Variants in SCAPER observed in about 807,000 individuals in gnomAD.
SCAPER encodes S-phase cyclin A associated protein in the ER, also known as S phase cyclin A-associated protein in the endoplasmic reticulum.
SCAPER carries 98 observed loss-of-function variants against 182.2 expected under a neutral mutation model. That is an observed-to-expected ratio of 0.54 (90% CI 0.46 to 0.64). The LOEUF (loss-of-function observed/expected upper bound fraction) is 0.64. SCAPER is among the 30% of genes least tolerant of loss of function. The pLI is 0.00. For synonymous variants in SCAPER, 605 were observed against 564.6 expected (o/e 1.07, Z -1.01); for missense variants, 1,432 against 1,690.0 (o/e 0.85, Z 2.68).
chr15:76,459,228 C>T (rs1372637540), intron 25 of SCAPER, among the ~76,000 whole-genome samples: 1 of 152,132 alleles, frequency 6.6e-6, no homozygotes, highest in Non-Finnish European at 1.5e-5. Context: ...TGGGTCAGAA[C>T]ATGTGGTATT....
intron 4 of SCAPER, among the ~76,000 whole-genome samples, chr15:76,846,333 A>T (rs1303154353): frequency 6.6e-6 from 1 of 152,120 alleles, no homozygotes; most frequent in Non-Finnish European, 1.5e-5. Context: ...ACAATGCAAA[A>T]ATGTACAAAT....
intron 5 of SCAPER, among the ~76,000 whole-genome samples, chr15:76,834,397 GA>G (rs1308861635): frequency 6.6e-6 from 1 of 152,114 alleles, no homozygotes; most frequent in Non-Finnish European, 1.5e-5. Context: ...CAAGAAGTTA[GA>G]AAGATCTAAA....
At chr15:76,447,920 G>A (rs144375262) in intron 25 of SCAPER, among the ~76,000 whole-genome samples, 18 of 152,312 alleles carry the variant, frequency 1.2e-4, no homozygotes, top group African/African-American at 4.3e-4. Context: ...AGTGCCTGGG[G>A]AAGGTAACCC....
intron 2 of SCAPER, among the ~76,000 whole-genome samples, chr15:76,874,774 T>C (rs1284450389): frequency 1.3e-5 from 2 of 151,952 alleles, no homozygotes; most frequent in East Asian, 3.9e-4. Flanking sequence ...CTGGACAACA[T>C]AGCAAGACCT....
At chr15:76,639,059 G>A (rs2053882378) in intron 21 of SCAPER, among the ~76,000 whole-genome samples, 4 of 152,056 alleles carry the variant, frequency 2.6e-5, no homozygotes, top group Non-Finnish European at 2.9e-5. Context: ...CAGAAAGGAA[G>A]AATAAATAGG....
intron 26 of SCAPER, among the ~76,000 whole-genome samples, chr15:76,408,059 T>C (rs946104646): frequency 6.6e-6 from 1 of 152,214 alleles, no homozygotes; most frequent in African/African-American, 2.4e-5. Context: ...TTCAAATTTC[T>C]AAATGTACCA....
intron 5 of SCAPER, among the ~76,000 whole-genome samples, chr15:76,824,746 T>C (rs984844940): frequency 1.1e-4 from 17 of 152,138 alleles, no homozygotes; most frequent in African/African-American, 3.4e-4. Context: ...CTCTCCTAAA[T>C]TTTTAATATA....
At chr15:76,714,858 T>C (rs760632399) in intron 17 of SCAPER, among the ~76,000 whole-genome samples, 1 of 152,008 alleles carries the variant, frequency 6.6e-6, no homozygotes, top group South Asian at 2.1e-4. Flanking sequence ...ATCCCAGAAA[T>C]GCAAGCCTGA....
intron 21 of SCAPER, among the ~76,000 whole-genome samples, chr15:76,654,683 C>T (rs2055470429): frequency 6.6e-6 from 1 of 152,304 alleles, no homozygotes; most frequent in African/African-American, 2.4e-5. Flanking sequence ...GAAGTGGTTG[C>T]CAAGGCCACC....
At chr15:76,650,191 T>C (rs1419504284) in intron 21 of SCAPER, among the ~76,000 whole-genome samples, 2 of 152,088 alleles carry the variant, frequency 1.3e-5, no homozygotes, top group South Asian at 4.1e-4. Flanking sequence ...AAATAAAAAG[T>C]GGTAGAGCTA....
At chr15:76,898,670 T>C (rs542721254) in intron 1 of SCAPER, among the ~76,000 whole-genome samples, 99 of 152,320 alleles carry the variant, frequency 6.5e-4, no homozygotes, top group Admixed American at 2.0e-3. Context: ...ATTCCATTTA[T>C]GTGAAATGTC....
chr15:76,863,973 C>G (rs141625346), intron 2 of SCAPER, among the ~76,000 whole-genome samples: 1 of 152,240 alleles, frequency 6.6e-6, no homozygotes, highest in Non-Finnish European at 1.5e-5. Context: ...AGGACAGCAT[C>G]CTCTACCCAC....
rs968498267 is a variant in SCAPER, at chr15:76,857,720, A to C, written c.195+89T>G. ...TTTTTATTTAGATAAATAATATTCA[A>C]ATCCTGCAAAATAAGATTTTCATAA... is the stretch of plus-strand genomic sequence containing the variant. On this transcript the variant is annotated intron_variant, in intron 4 of 31. Transcript: ENST00000563290. The C allele has an allele frequency of 4.0e-5, 35 of 876,708 alleles. 1 individual carries two copies. In the African/African-American group the frequency reaches 4.8e-4, roughly 12 times the overall value. The allele number at this position is 876,708 out of a possible 1,614,324, so 54.3% of individuals were successfully genotyped here.
intron 9 of SCAPER, among the ~76,000 whole-genome samples, chr15:76,772,918 GATTA>G (rs1248101690): frequency 6.6e-6 from 1 of 151,812 alleles, no homozygotes; most frequent in Non-Finnish European, 1.5e-5. Context: ...CCCCCAGTTT[GATTA>G]ATTATTTATA....
chr15:76,357,666 A>G (rs1455844605), intron 29 of SCAPER, among the ~76,000 whole-genome samples: 7 of 152,230 alleles, frequency 4.6e-5, no homozygotes, highest in Admixed American at 4.6e-4. Context: ...TCACAATAGC[A>G]AAGAGATGGA....
At chr15:76,616,638 C>T (rs1293523989) in intron 22 of SCAPER, among the ~76,000 whole-genome samples, 2 of 151,970 alleles carry the variant, frequency 1.3e-5, no homozygotes, top group African/African-American at 4.8e-5. Flanking sequence ...TGTATTTCAT[C>T]ACCATTTTAA....
intron 27 of SCAPER, among the ~76,000 whole-genome samples, chr15:76,393,230 A>T (rs139065087): frequency 6.6e-6 from 1 of 152,204 alleles, no homozygotes; most frequent in East Asian, 1.9e-4. Context: ...CCTCCTTATT[A>T]GTCTAGTGGC....
At chr15:76,648,690 A>G (rs1307357086) in intron 21 of SCAPER, among the ~76,000 whole-genome samples, 3 of 152,260 alleles carry the variant, frequency 2.0e-5, no homozygotes, top group Non-Finnish European at 4.4e-5. Context: ...ATAAAAAAGC[A>G]GCCCCAAAAT....
intron 14 of SCAPER, among the ~76,000 whole-genome samples, chr15:76,757,237 G>A (rs1446222069): frequency 6.6e-6 from 1 of 152,008 alleles, no homozygotes; most frequent in African/African-American, 2.4e-5. Context: ...TATTAATCTT[G>A]CATAAGTCAA....
Sources: allele counts gnomAD v4.1 joint callset (sites outside exome capture counted in the v4.1 genomes callset), GRCh38; gene constraint gnomAD v4.1.1; transcripts MANE v1.5; gene names NCBI Gene and HGNC (gene_info 2026-07-23, HGNC 2026-07-21).